The following CRIM1 variants were observed in gnomAD, a reference collection of about 807,000 sequenced individuals.
CRIM1 encodes the protein cysteine-rich motor neuron 1 protein.
CRIM1 carries 32 observed loss-of-function variants against 116.4 expected under a neutral mutation model. The ratio of observed to expected loss-of-function variants is 0.27; its 90% CI spans 0.21 to 0.37. The LOEUF is 0.37. Among genes scored for constraint, CRIM1 ranks in the 10% least tolerant of loss-of-function variants. CRIM1 has a pLI of 1.00. For synonymous variants in CRIM1, 590 were observed against 509.2 expected, an observed-to-expected ratio of 1.16 and a Z score of -2.13; for missense variants, 1,331 against 1,354.8, an observed-to-expected ratio of 0.98 and a Z score of 0.28.
At chr2:36,476,118 A>G (rs1678955180) in intron 5 of CRIM1, among the ~76,000 whole-genome samples, 1 of 151,948 alleles carries the variant, frequency 6.6e-6, no homozygotes, top group South Asian at 2.1e-4. Flanking sequence ...GGCAGAGAAA[A>G]ATTTAAAAAT....
intron 1 of CRIM1, among the ~76,000 whole-genome samples, chr2:36,374,747 C>T (rs766210657): frequency 2.6e-5 from 4 of 152,106 alleles, no homozygotes; most frequent in Admixed American, 6.6e-5. Context: ...AGTGCCTGGG[C>T]GTGCTCCAAA....
At chr2:36,385,624 C>T (rs184141658) in intron 1 of CRIM1, among the ~76,000 whole-genome samples, 9 of 152,210 alleles carry the variant, frequency 5.9e-5, no homozygotes, top group Non-Finnish European at 8.8e-5. Context: ...TTACTGGAGA[C>T]GGACCTCACC....
At chr2:36,476,417 T>C (rs1214817692) in intron 5 of CRIM1, among the ~76,000 whole-genome samples, 1 of 152,204 alleles carries the variant, frequency 6.6e-6, no homozygotes, top group Non-Finnish European at 1.5e-5. Context: ...TTATACCATG[T>C]ACAGAGAAAA....
chr2:36,455,204 G>C (rs1315332149), intron 4 of CRIM1, among the ~76,000 whole-genome samples: 1 of 152,080 alleles, frequency 6.6e-6, no homozygotes, highest in Non-Finnish European at 1.5e-5. Flanking sequence ...CGAAGTAGAG[G>C]GGGCAACAAG....
chr2:36,357,889 G>T (rs931526916), intron 1 of CRIM1, among the ~76,000 whole-genome samples: 2 of 152,202 alleles, frequency 1.3e-5, no homozygotes, highest in Admixed American at 6.5e-5. Context: ...TGAAAAAGGA[G>T]GTGACAGCCT....
intron 1 of CRIM1, 67 bp from the exon 2 acceptor site, chr2:36,396,547 T>C (rs1316374225): frequency 5.9e-5 from 65 of 1,094,748 alleles, no homozygotes; most frequent in Admixed American, 9.7e-5. Flanking sequence ...CAGTGCGTTT[T>C]TGCCCGCGAA....
At chr2:36,478,077 A>G (rs1679124374) in intron 6 of CRIM1, among the ~76,000 whole-genome samples, 1 of 152,206 alleles carries the variant, frequency 6.6e-6, no homozygotes, top group Non-Finnish European at 1.5e-5. Flanking sequence ...GCCACTTTCC[A>G]TACTTCCTCA....
chr2:36,482,314 G>A (rs1251730343), intron 7 of CRIM1, among the ~76,000 whole-genome samples: 1 of 152,162 alleles, frequency 6.6e-6, no homozygotes, highest in African/African-American at 2.4e-5. Context: ...ATTTTAAGAT[G>A]TATTAATAAT....
intron 13 of CRIM1, among the ~76,000 whole-genome samples, chr2:36,523,185 A>T (rs1665530887): frequency 6.6e-6 from 1 of 152,142 alleles, no homozygotes; most frequent in Non-Finnish European, 1.5e-5. Context: ...ACCAAGTCTC[A>T]TATTAGAGCC....
intron 2 of CRIM1, among the ~76,000 whole-genome samples, chr2:36,426,154 GCTGTATTTGGCAA>G (rs1394312322): frequency 6.6e-6 from 1 of 152,212 alleles, no homozygotes; most frequent in African/African-American, 2.4e-5. Context: ...AAGCCGGCAT[GCTGTATTTGGCAA>G]TAGATTGAAT....
At chr2:36,482,691 G>T (rs1263295770) in intron 7 of CRIM1, among the ~76,000 whole-genome samples, 1 of 152,226 alleles carries the variant, frequency 6.6e-6, no homozygotes, top group African/African-American at 2.4e-5. Flanking sequence ...AAATTCCTCT[G>T]TGCACAGTTG....
At chr2:36,499,931 G>A (rs1680869510) in intron 8 of CRIM1, among the ~76,000 whole-genome samples, 1 of 152,000 alleles carries the variant, frequency 6.6e-6, no homozygotes, top group Non-Finnish European at 1.5e-5. Context: ...CATTCTCCTT[G>A]ACCATTCTTC....
intron 4 of CRIM1, among the ~76,000 whole-genome samples, chr2:36,456,596 C>T (rs1677150203): frequency 1.3e-5 from 2 of 152,196 alleles, no homozygotes; most frequent in South Asian, 2.1e-4. Context: ...TTCCCCTAGA[C>T]CTACGGAAGT....
chr2:36,482,009 A>G (rs1679457046), intron 7 of CRIM1, among the ~76,000 whole-genome samples: 1 of 152,200 alleles, frequency 6.6e-6, no homozygotes, highest in African/African-American at 2.4e-5. Context: ...TGAAGACCTC[A>G]GGGGAAAGAT....
intron 1 of CRIM1, among the ~76,000 whole-genome samples, chr2:36,371,258 T>TC (rs1669923550): frequency 6.6e-6 from 1 of 151,812 alleles, no homozygotes; most frequent in South Asian, 2.1e-4. Context: ...CCATCCCCCA[T>TC]CCCCCATCCC....
Position 36,387,075 on chromosome 2 carries a change from G to T in CRIM1, c.332-9539G>T, listed in dbSNP as rs115686151. ...CGGGTACTCAAATGACTGCATGTTGGACTTCATTTTGTAGACCATTGCTTT... is the reference window on the plus strand; with the variant it reads ...CGGGTACTCAAATGACTGCATGTTGTACTTCATTTTGTAGACCATTGCTTT... On this transcript the variant is annotated intron_variant, in intron 1 of 16. Coordinates refer to ENST00000280527, the MANE Select transcript of CRIM1 (RefSeq NM_016441.3). Among the ~76,000 whole-genome samples the T allele has an allele frequency of 2.1e-3, 322 of 152,276 alleles. 1 individual carries two copies. Among genetic ancestry groups the T allele is most frequent in the Middle Eastern group, 0.01 (3 of 294 alleles).
intron 2 of CRIM1, among the ~76,000 whole-genome samples, chr2:36,430,020 A>G (rs1204640955): frequency 6.6e-6 from 1 of 152,070 alleles, no homozygotes; most frequent in Non-Finnish European, 1.5e-5. Flanking sequence ...TAAGTACTGT[A>G]CCTCCTGTGT....
At position 36,442,348 on chromosome 2, in the gene CRIM1, A is replaced by G. The variant is rs186498669; in HGVS notation, c.749-267A>G. On this transcript the variant is annotated intron_variant, in intron 3 of 16. Transcript: ENST00000280527. Reference sequence around the variant, plus strand: ...TCAGAAATGCCTCTGGCTAACTGTCACTATCCATGTAACCACTGCTGGTTT... The same window carrying G: ...TCAGAAATGCCTCTGGCTAACTGTCGCTATCCATGTAACCACTGCTGGTTT... 2.9e-3 allele frequency among the ~76,000 whole-genome samples: 434 copies of G among 151,796 alleles called. 1 individual carries two copies. Among genetic ancestry groups the G allele is most frequent in the African/African-American group, 9.8e-3 (407 of 41,398 alleles).
Position 36,513,613 on chromosome 2 carries a change from GTCA to G in CRIM1, c.1846_1848del (p.His616del), listed in dbSNP as rs747343816. The G allele has an allele frequency of 1.1e-5, 18 of 1,614,048 alleles. No individual in the cohort carries two copies. In the South Asian group the frequency reaches 1.8e-4, roughly 16 times the overall value. On this transcript the variant is annotated inframe_deletion, in exon 11 of 17. Transcript: ENST00000280527. ...TCGGGCACTTGTCTCACCGTGGATG[GTCA>G]TCATCATAAAAATGAGGAGAGCTGG...
Sources: gnomAD v4.1 joint callset for allele counts (sites outside exome capture counted in the v4.1 genomes callset) on GRCh38, gnomAD v4.1.1 for gene constraint, MANE v1.5 for transcripts, NCBI Gene and HGNC (gene_info 2026-07-23, HGNC 2026-07-21) for gene names.